The following CAPN14 variants were observed in gnomAD, a reference collection of about 807,000 sequenced individuals.
CAPN14 encodes the protein calpain-14.
A neutral mutation model predicts 101.3 loss-of-function variants in CAPN14; 94 were observed. The ratio of observed to expected loss-of-function variants is 0.93; its 90% confidence interval spans 0.79 to 1.10. The LOEUF (loss-of-function observed/expected upper bound fraction) is 1.10. CAPN14 is among the 50% of genes least tolerant of loss of function. CAPN14 has a pLI of 0.00. For synonymous variants in CAPN14, 338 were observed against 317.9 expected, an observed-to-expected ratio of 1.06 and a Z score of -0.67; for missense variants, 837 against 828.4, an observed-to-expected ratio of 1.01 and a Z score of -0.13.
At chr2:31,215,707 T>G (rs190914804) in intron 1 of CAPN14, among the ~76,000 whole-genome samples, 262 of 151,896 alleles carry the variant, frequency 1.7e-3, no homozygotes, top group Non-Finnish European at 1.9e-3. Flanking sequence ...CCCCCTCCTC[T>G]CCCAAGCCCA....
chr2:31,196,665 G>A (rs1327221416), intron 8 of CAPN14, among the ~76,000 whole-genome samples: 2 of 152,162 alleles, frequency 1.3e-5, no homozygotes, highest in African/African-American at 4.8e-5. Context: ...GTGCCCTACA[G>A]CCAGTGTCTA....
At chr2:31,206,930 G>A (rs541383397) in intron 1 of CAPN14, among the ~76,000 whole-genome samples, 1 of 152,284 alleles carries the variant, frequency 6.6e-6, no homozygotes, top group South Asian at 2.1e-4. Context: ...GACAGTCCCT[G>A]CCCTCATGGC....
At chr2:31,222,408 C>T (rs141495596), upstream of CAPN14, among the ~76,000 whole-genome samples, 394 of 152,190 alleles carry the variant, frequency 2.6e-3, 3 homozygotes, top group African/African-American at 8.8e-3. Flanking sequence ...AAAGAGCTTA[C>T]GTTTGGAGTC....
intron 7 of CAPN14, 58 bp downstream of exon 7, chr2:31,199,412 G>C (rs1053102868): frequency 8.7e-6 from 12 of 1,375,726 alleles, no homozygotes; most frequent in Non-Finnish European, 1.2e-5. Flanking sequence ...GATAAGCTAG[G>C]GTCCAGAGAG....
intron 1 of CAPN14, among the ~76,000 whole-genome samples, chr2:31,206,365 C>T (rs377406852): frequency 3.3e-4 from 50 of 152,254 alleles, no homozygotes; most frequent in African/African-American, 1.2e-3. Context: ...TGCAGGTTGG[C>T]GTGGGCGAGC....
At chr2:31,217,212 A>T (rs1479946735) in intron 1 of CAPN14, among the ~76,000 whole-genome samples, 1 of 152,004 alleles carries the variant, frequency 6.6e-6, no homozygotes, top group Non-Finnish European at 1.5e-5. Flanking sequence ...CTTTTTTTTT[A>T]AATGAGGAGA....
chr2:31,193,872 G>C (rs897185353), intron 9 of CAPN14, among the ~76,000 whole-genome samples: 22 of 152,152 alleles, frequency 1.4e-4, no homozygotes, highest in African/African-American at 5.3e-4. Flanking sequence ...CTTGGAACGA[G>C]GGTTGACATT....
At chr2:31,203,946 T>G (rs1030704148) in intron 2 of CAPN14, among the ~76,000 whole-genome samples, 2 of 152,206 alleles carry the variant, frequency 1.3e-5, no homozygotes, top group African/African-American at 4.8e-5. Flanking sequence ...TTTAAAGGAA[T>G]TGATGCATTT....
chr2:31,209,242 G>C (rs1682269493), intron 1 of CAPN14, among the ~76,000 whole-genome samples: 1 of 151,266 alleles, frequency 6.6e-6, no homozygotes, highest in African/African-American at 2.4e-5. Context: ...CACCCAAAGT[G>C]CTGGCATTAC....
intron 13 of CAPN14, 39 bp from the exon 14 acceptor site, chr2:31,188,393 C>G: frequency 6.5e-7 from 1 of 1,549,506 alleles, no homozygotes; most frequent in South Asian, 1.2e-5. Context: ...AGAGTTTCCT[C>G]TTGGGAATTT....
chr2:31,206,031 TTTA>T lies in CAPN14; in HGVS notation c.-52-535_-52-533del, dbSNP rs1477433521. ...TCCTACATTATCTTTATTTTTTTTA[TTTA>T]TTTATTTTTTTTTTTTGAGACAGAG... On this transcript the variant is annotated intron_variant, in intron 1 of 21. Coordinates refer to ENST00000403897, the MANE Select transcript of CAPN14 (RefSeq NM_001145122.2). Among the ~76,000 whole-genome samples the T allele has an allele frequency of 7.7e-4, 85 of 110,966 alleles. 2 individuals carry two copies. The highest frequency in any genetic ancestry group is 6.4e-3 in the South Asian group (19 of 2,962). 72.8% of individuals were successfully genotyped at this position (110,966 alleles called of 152,430 possible). A position where few individuals can be genotyped will look rare whatever the true frequency, so the allele number is the denominator to read the frequency against.
intron 2 of CAPN14, among the ~76,000 whole-genome samples, chr2:31,203,668 G>C (rs1681916295): frequency 6.6e-6 from 1 of 152,162 alleles, no homozygotes; most frequent in African/African-American, 2.4e-5. Flanking sequence ...GAGTCTCTAT[G>C]TCAGCAGTTC....
chr2:31,223,292 C>A (rs1682915373), intron 2 of CAPN14, among the ~76,000 whole-genome samples: 1 of 152,158 alleles, frequency 6.6e-6, no homozygotes, highest in Non-Finnish European at 1.5e-5. Context: ...TTTGGCTCAC[C>A]CTCTATCCAG....
chr2:31,176,696 T>C (rs1680309815), intron 20 of CAPN14, 54 bp from the exon 21 acceptor site: 29 of 1,433,898 alleles, frequency 2.0e-5, no homozygotes, highest in Non-Finnish European at 2.8e-5. Context: ...GGAAACATTA[T>C]GAATTAGTTC....
intron 16 of CAPN14, among the ~76,000 whole-genome samples, chr2:31,181,398 T>TTTTCTTTCTTTCTTTCTTTCTTTC (rs538044256): frequency 4.9e-4 from 66 of 135,070 alleles, no homozygotes; most frequent in Middle Eastern, 3.7e-3. Flanking sequence ...TTCTTTCTTT[T>TTTTCTTTCTTTCTTTCTTTCTTTC]TTTCTTTCTT....
upstream of CAPN14, among the ~76,000 whole-genome samples, chr2:31,220,682 A>G (rs933642041): frequency 6.6e-6 from 1 of 152,214 alleles, no homozygotes; most frequent in African/African-American, 2.4e-5. Context: ...TGCACAAATT[A>G]GCTGGGTGTG....
At chr2:31,177,404 G>C (rs1474620820) in intron 19 of CAPN14, among the ~76,000 whole-genome samples, 7 of 152,200 alleles carry the variant, frequency 4.6e-5, no homozygotes. Flanking sequence ...CAATGAAGGA[G>C]GCAGTCTGCT....
chr2:31,233,034 C>T (rs1683240924), intron 1 of CAPN14, among the ~76,000 whole-genome samples: 1 of 152,198 alleles, frequency 6.6e-6, no homozygotes, highest in Non-Finnish European at 1.5e-5. Context: ...CGATGCACTG[C>T]TTTTGCCTAC....
intron 3 of CAPN14, 63 bp downstream of exon 3, chr2:31,203,007 G>A: frequency 7.2e-7 from 1 of 1,397,140 alleles, no homozygotes; most frequent in Non-Finnish European, 9.9e-7. Context: ...CAACCACTCT[G>A]TCTTGGCCAG....
Sources: gnomAD v4.1 joint callset for allele counts (sites outside exome capture counted in the v4.1 genomes callset) on GRCh38, gnomAD v4.1.1 for gene constraint, MANE v1.5 for transcripts, NCBI Gene and HGNC (gene_info 2026-07-23, HGNC 2026-07-21) for gene names.